Variants in LMOD1 observed in about 807,000 individuals in gnomAD.
LMOD1 encodes leiomodin-1.
In LMOD1, 8 loss-of-function variants were observed where a neutral mutation model predicts 36.5. The ratio of observed to expected loss-of-function variants is 0.22; its 90% CI spans 0.13 to 0.40. The LOEUF (loss-of-function observed/expected upper bound fraction) is 0.40, where lower values mean the gene tolerates loss of function less well. Among genes scored for constraint, LMOD1 ranks in the 10% least tolerant of loss-of-function variants. The pLI is 1.00. For synonymous variants in LMOD1, 284 were observed against 288.7 expected, an observed-to-expected ratio of 0.98 and a Z score of 0.17; for missense variants, 630 against 751.1, an observed-to-expected ratio of 0.84 and a Z score of 1.88.
intron 1 of LMOD1, among the ~76,000 whole-genome samples, chr1:201,904,163 C>CA (rs1463644108): frequency 6.6e-6 from 1 of 152,170 alleles, no homozygotes; most frequent in East Asian, 1.9e-4. Flanking sequence ...TTCCCTCTCA[C>CA]CCCTAGCCAG....
At chr1:201,913,489 C>A (rs1025244792) in intron 1 of LMOD1, among the ~76,000 whole-genome samples, 52 of 152,232 alleles carry the variant, frequency 3.4e-4, no homozygotes, top group African/African-American at 1.3e-3. Context: ...CACCTGTAAT[C>A]TCAGCTACTC....
At chr1:201,923,281 C>A (rs1354811433) in intron 1 of LMOD1, among the ~76,000 whole-genome samples, 1 of 152,134 alleles carries the variant, frequency 6.6e-6, no homozygotes, top group Admixed American at 6.5e-5. Context: ...AACACCCATC[C>A]TGGAATTTGA....
At chr1:201,903,850 CA>C (rs1681369096) in intron 1 of LMOD1, among the ~76,000 whole-genome samples, 1 of 152,224 alleles carries the variant, frequency 6.6e-6, no homozygotes, top group African/African-American at 2.4e-5. Context: ...CTTCCCTTTC[CA>C]GAGTTCCCAC....
chr1:201,911,646 C>T (rs984180628), intron 1 of LMOD1, among the ~76,000 whole-genome samples: 6 of 152,098 alleles, frequency 3.9e-5, no homozygotes, highest in African/African-American at 7.2e-5. Context: ...GCCTGGGCGA[C>T]GGAGTGAGAC....
chr1:201,898,337 C>A lies in LMOD1; in HGVS notation c.*35G>T. ...CCCTGGGAGGTGAGGCCTGAGCAGT[C>A]ATGGCATTGGCAGATGGTGCCTGGC... On this transcript the variant is annotated 3_prime_UTR_variant, in exon 3 of 3. Coordinates refer to ENST00000367288, the MANE Select transcript of LMOD1 (RefSeq NM_012134.3). 1 of 1,608,544 alleles carries A rather than the reference C, an allele frequency of 6.2e-7. No homozygotes were observed. Among genetic ancestry groups the A allele is most frequent in the South Asian group, 1.1e-5 (1 of 89,582 alleles).
intron 1 of LMOD1, among the ~76,000 whole-genome samples, chr1:201,944,358 C>T (rs1358979762): frequency 6.6e-6 from 1 of 152,150 alleles, no homozygotes. Context: ...GATTAGACTG[C>T]TTTGTTTGAC....
chr1:201,919,780 T>C (rs1339550499), intron 1 of LMOD1, among the ~76,000 whole-genome samples: 1 of 152,200 alleles, frequency 6.6e-6, no homozygotes, highest in Non-Finnish European at 1.5e-5. Context: ...GTGTGGTACA[T>C]GTGCCTTCTG....
At chr1:201,901,680 ATATATATGTG>A (rs1681328505) in intron 1 of LMOD1, among the ~76,000 whole-genome samples, 1 of 96,680 alleles carries the variant, frequency 1.0e-5, no homozygotes, top group South Asian at 3.3e-4. Flanking sequence ...ATATACACAT[ATATATATGTG>A]TATATATATA....
chr1:201,934,242 C>T, intron 1 of LMOD1, among the ~76,000 whole-genome samples: 1 of 152,212 alleles, frequency 6.6e-6, no homozygotes, highest in East Asian at 1.9e-4. Flanking sequence ...GGCTTAACCT[C>T]TGACTATTGT....
At chr1:201,904,297 G>T (rs1274297310) in intron 1 of LMOD1, among the ~76,000 whole-genome samples, 2 of 152,078 alleles carry the variant, frequency 1.3e-5, no homozygotes, top group African/African-American at 2.4e-5. Flanking sequence ...TGCAACCTCT[G>T]CCTTCTGAGT....
At chr1:201,943,363 G>A (rs569153671) in intron 1 of LMOD1, among the ~76,000 whole-genome samples, 1 of 152,328 alleles carries the variant, frequency 6.6e-6, no homozygotes, top group East Asian at 1.9e-4. Context: ...GAATGTGCTC[G>A]GCATGTAGAA....
chr1:201,923,819 C>T (rs945791784), intron 1 of LMOD1, among the ~76,000 whole-genome samples: 7 of 149,304 alleles, frequency 4.7e-5, no homozygotes, highest in Non-Finnish European at 8.9e-5. Flanking sequence ...GAGCTGTGAT[C>T]GTGCCACTGT....
chr1:201,915,837 C>A lies in LMOD1; in HGVS notation c.262-15086G>T, dbSNP rs1466038874. ...AACAACCTCCTCTCGGTTTCGCTGA[C>A]CTCCTCCAGGGCGATCCTTGCACGG... On this transcript the variant is annotated intron_variant, in intron 1 of 2. Coordinates refer to ENST00000367288, the MANE Select transcript of LMOD1 (RefSeq NM_012134.3). Among the ~76,000 whole-genome samples the A allele has an allele frequency of 6.6e-5, 10 of 152,168 alleles. No individual in the cohort carries two copies. The East Asian group carries it at 1.4e-3, about 21-fold the overall frequency.
chr1:201,908,258 G>A (rs1681442273), intron 1 of LMOD1, among the ~76,000 whole-genome samples: 1 of 152,146 alleles, frequency 6.6e-6, no homozygotes, highest in African/African-American at 2.4e-5. Context: ...CCCCCACTCT[G>A]GTGAAACATT....
intron 1 of LMOD1, among the ~76,000 whole-genome samples, chr1:201,910,497 T>C (rs1192144705): frequency 6.6e-6 from 1 of 152,122 alleles, no homozygotes; most frequent in Non-Finnish European, 1.5e-5. Context: ...TTGCCCAGTC[T>C]GGTCTCGAAC....
chr1:201,922,659 T>C (rs1681724673), intron 1 of LMOD1, among the ~76,000 whole-genome samples: 1 of 151,772 alleles, frequency 6.6e-6, no homozygotes, highest in Non-Finnish European at 1.5e-5. Flanking sequence ...GGTAGTGGTG[T>C]TGTACAACTT....
At chr1:201,935,635 C>A (rs2102929259) in intron 1 of LMOD1, among the ~76,000 whole-genome samples, 1 of 152,154 alleles carries the variant, frequency 6.6e-6, no homozygotes, top group Admixed American at 6.5e-5. Flanking sequence ...TGGCTCACTG[C>A]AACCTCCACC....
At chr1:201,908,982 G>T (rs1465601982) in intron 1 of LMOD1, among the ~76,000 whole-genome samples, 7 of 152,202 alleles carry the variant, frequency 4.6e-5, no homozygotes, top group Admixed American at 1.3e-4. Context: ...CTCTCATTCC[G>T]CAGAAGAATG....
intron 1 of LMOD1, among the ~76,000 whole-genome samples, chr1:201,920,868 A>G (rs777599195): frequency 1.3e-4 from 20 of 152,192 alleles, no homozygotes; most frequent in Non-Finnish European, 2.6e-4. Flanking sequence ...GTTTCTAAAA[A>G]TAAAAATAAA....
Sources: allele counts gnomAD v4.1 joint callset (sites outside exome capture counted in the v4.1 genomes callset), GRCh38; gene constraint gnomAD v4.1.1; transcripts MANE v1.5; gene names NCBI Gene and HGNC (gene_info 2026-07-23, HGNC 2026-07-21).